BOLL: variants seen among roughly 807,000 people sequenced by gnomAD.
The protein encoded by BOLL is protein boule-like.
A neutral mutation model predicts 44.4 loss-of-function variants in BOLL; 23 were observed. The observed-to-expected ratio is 0.52, with a 90% confidence interval of 0.37 to 0.73. The LOEUF (loss-of-function observed/expected upper bound fraction) is 0.73, where lower values mean the gene tolerates loss of function less well. BOLL is among the 30% of genes least tolerant of loss of function. The probability of loss-of-function intolerance (pLI) is 0.00; values close to 1 mark genes in which losing one functional copy is unlikely to be tolerated. For missense variants in BOLL, 287 were observed against 338.3 expected (o/e 0.85, Z 1.19); for synonymous variants, 97 against 110.8 (o/e 0.88, Z 0.78).
intron 10 of BOLL, among the ~76,000 whole-genome samples, chr2:197,741,532 G>A (rs188530157): frequency 8.5e-4 from 129 of 152,212 alleles, no homozygotes; most frequent in African/African-American, 3.0e-3. Flanking sequence ...TCTGATCTTT[G>A]ACAAGCCTGA....
intron 9 of BOLL, among the ~76,000 whole-genome samples, chr2:197,749,688 A>G (rs963639948): frequency 6.6e-6 from 1 of 152,056 alleles, no homozygotes; most frequent in Non-Finnish European, 1.5e-5. Context: ...ATTAGAGAAA[A>G]AAGAATGAAA....
At chr2:197,768,713 T>G (rs1391064046) in intron 6 of BOLL, among the ~76,000 whole-genome samples, 2 of 148,454 alleles carry the variant, frequency 1.3e-5, no homozygotes, top group African/African-American at 5.0e-5. Context: ...AACAAAAAAC[T>G]AAAAAAGAAG....
At chr2:197,733,411 C>T (rs202184370) in intron 10 of BOLL, among the ~76,000 whole-genome samples, 5,042 of 150,100 alleles carry the variant, frequency 0.034, 133 homozygotes, top group Admixed American at 0.082. Context: ...GATTCAATGC[C>T]ATCCCCATCA....
intron 10 of BOLL, among the ~76,000 whole-genome samples, chr2:197,730,243 C>T (rs376505313): frequency 0.19 from 24,466 of 128,128 alleles, 2,460 homozygotes; most frequent in East Asian, 0.27. Context: ...TGAAATGAAG[C>T]GAGAAGGGAA....
At position 197,732,859 on chromosome 2, in the gene BOLL, GAATGGGCAAA is replaced by G. The variant is rs1687266548; in HGVS notation, c.829-4291_829-4282del. Among the ~76,000 whole-genome samples the G allele has an allele frequency of 2.1e-5, 3 of 143,396 alleles. No homozygotes were observed. In the South Asian group the frequency reaches 7.1e-4, roughly 34 times the overall value. The allele number at this position is 143,396 out of a possible 152,430, so 94.1% of individuals were successfully genotyped here. A position where few individuals can be genotyped will look rare whatever the true frequency, so the allele number is the denominator to read the frequency against. On this transcript the variant is annotated intron_variant, in intron 10 of 10. Transcript: ENST00000392296. ...ACAAACCCACAGCCAATATCATACT[GAATGGGCAAA>G]AACTGGAAGCATTCCCTTTGAAAAC...
At chr2:197,730,630 C>G (rs1369331599) in intron 10 of BOLL, among the ~76,000 whole-genome samples, 5 of 148,634 alleles carry the variant, frequency 3.4e-5, no homozygotes, top group Non-Finnish European at 7.5e-5. Flanking sequence ...AGAAACCCTA[C>G]AAGCCAGAAG....
intron 10 of BOLL, among the ~76,000 whole-genome samples, chr2:197,734,862 A>C (rs1324129703): frequency 6.6e-6 from 1 of 152,154 alleles, no homozygotes; most frequent in East Asian, 1.9e-4. Context: ...CTAAATGACG[A>C]GTTAATGGGT....
Position 197,757,359 on chromosome 2 carries a change from A to G in BOLL, c.594T>C (p.Val198=). The change falls in exon 8 of 11, where the codon GTT becomes GTC. Residue 198 remains valine, a synonymous_variant. Transcript: ENST00000392296. The part of the protein sequence containing the change: ...QYLPGQWQWS[V]PQPSASSAPF... Reference sequence around the variant, plus strand: ...ATTGAAAGTTAACATTTACCTGAGGAACACTCCACTGCCACTGTCCTGGTA... The same window carrying G: ...ATTGAAAGTTAACATTTACCTGAGGGACACTCCACTGCCACTGTCCTGGTA... 6.2e-7 allele frequency: 1 copy of G among 1,609,300 alleles called. No individual in the cohort carries two copies. The highest frequency in any genetic ancestry group is 2.2e-5 in the East Asian group (1 of 44,722).
chr2:197,770,831 T>C (rs1235842673), intron 6 of BOLL, among the ~76,000 whole-genome samples: 3 of 152,040 alleles, frequency 2.0e-5, no homozygotes, highest in Non-Finnish European at 2.9e-5. Context: ...TGGCGATCAT[T>C]AAAAAGTCAG....
At chr2:197,729,994 T>C (rs1241137403) in intron 10 of BOLL, among the ~76,000 whole-genome samples, 12 of 151,372 alleles carry the variant, frequency 7.9e-5, no homozygotes, top group African/African-American at 2.7e-4. Flanking sequence ...AGAAGAAGGC[T>C]TCAGACGATC....
intron 7 of BOLL, among the ~76,000 whole-genome samples, chr2:197,758,716 A>G (rs1385303327): frequency 6.6e-6 from 1 of 152,228 alleles, no homozygotes; most frequent in Non-Finnish European, 1.5e-5. Context: ...ATTTCTCACT[A>G]AAATTAATGA....
At chr2:197,764,410 T>G (rs1187564933) in intron 7 of BOLL, among the ~76,000 whole-genome samples, 1 of 152,176 alleles carries the variant, frequency 6.6e-6, no homozygotes, top group African/African-American at 2.4e-5. Flanking sequence ...CTGGAGGTCA[T>G]TACGTTAAAT....
intron 9 of BOLL, among the ~76,000 whole-genome samples, chr2:197,743,713 G>A (rs768397689): frequency 2.0e-5 from 3 of 151,930 alleles, no homozygotes; most frequent in African/African-American, 2.4e-5. Flanking sequence ...AAAAATGGTA[G>A]AATTAATTTT....
intron 10 of BOLL, among the ~76,000 whole-genome samples, chr2:197,728,985 A>AT (rs1686984548): frequency 6.6e-6 from 1 of 152,190 alleles, no homozygotes; most frequent in Non-Finnish European, 1.5e-5. Context: ...AGATGGCCGA[A>AT]TAGGAACAGC....
intron 1 of BOLL, among the ~76,000 whole-genome samples, chr2:197,782,968 T>C (rs1460874142): frequency 6.6e-6 from 1 of 152,062 alleles, no homozygotes; most frequent in East Asian, 1.9e-4. Flanking sequence ...TATAAGCCTT[T>C]GCAGAATGGT....
At chr2:197,744,310 A>C (rs1405564934) in intron 9 of BOLL, among the ~76,000 whole-genome samples, 2 of 152,204 alleles carry the variant, frequency 1.3e-5, no homozygotes, top group Non-Finnish European at 1.5e-5. Flanking sequence ...GAGTGAGTAC[A>C]TGTGGTGAAA....
Position 197,751,655 on chromosome 2 carries a change from A to C in BOLL, c.729+4773T>G, listed in dbSNP as rs552678910. 2.0e-4 allele frequency among the ~76,000 whole-genome samples: 30 copies of C among 152,336 alleles called. No homozygotes were observed. The South Asian group carries it at 4.8e-3, about 24-fold the overall frequency. ...TTCTGAAATTAAGGCAGTAATTAAT[A>C]GCCTACTAAACAAAAAAAGTCCAGG... On this transcript the variant is annotated intron_variant, in intron 9 of 10. Transcript: ENST00000392296.
chr2:197,779,807 C>T (rs1392928200), intron 2 of BOLL, among the ~76,000 whole-genome samples: 1 of 151,906 alleles, frequency 6.6e-6, no homozygotes, highest in Admixed American at 6.6e-5. Flanking sequence ...AATACTGACA[C>T]TAAATTCATT....
chr2:197,766,147 C>T (rs527853954), intron 7 of BOLL, among the ~76,000 whole-genome samples: 14 of 152,156 alleles, frequency 9.2e-5, no homozygotes, highest in South Asian at 2.1e-4. Flanking sequence ...AATGAACATT[C>T]GCATGCATGT....
Sources: gnomAD v4.1 joint callset for allele counts (sites outside exome capture counted in the v4.1 genomes callset) on GRCh38, gnomAD v4.1.1 for gene constraint, MANE v1.5 for transcripts, NCBI Gene and HGNC (gene_info 2026-07-23, HGNC 2026-07-21) for gene names.